Variants in BAK1 observed in about 807,000 individuals in gnomAD.
The protein encoded by BAK1 is BCL2 antagonist/killer 1, also known as bcl-2 homologous antagonist/killer.
Under a neutral mutation model 24.7 loss-of-function variants are expected in BAK1, and 19 were observed. The ratio of observed to expected loss-of-function variants is 0.77; its 90% CI spans 0.54 to 1.13. The LOEUF is 1.13. Ranked by LOEUF, BAK1 falls within the 50% of genes most tolerant of loss-of-function variation. The probability of loss-of-function intolerance (pLI) is 0.00; values close to 1 mark genes in which losing one functional copy is unlikely to be tolerated. For missense variants in BAK1, 194 were observed against 279.4 expected (o/e 0.69, Z 2.18); for synonymous variants, 86 against 107.3 (o/e 0.80, Z 1.23).
Position 33,573,762 on chromosome 6 carries a change from G to C in BAK1, c.*41C>G. The C allele has an allele frequency of 1.3e-6, 2 of 1,537,536 alleles. No individual in the cohort carries two copies. The highest frequency in any genetic ancestry group is 1.8e-6 in the Non-Finnish European group (2 of 1,111,148). ...AGGCAAAGACTTCGCTTAAGTCCAG[G>C]CAGGGGTCTGAACCGGGACCCCAAA... On this transcript the variant is annotated 3_prime_UTR_variant, in exon 6 of 6. Coordinates refer to ENST00000374467, the MANE Select transcript of BAK1 (RefSeq NM_001188.4).
At position 33,572,733 on chromosome 6, in the gene BAK1, G is replaced by A. The variant is rs555242575; in HGVS notation, c.*1070C>T. The A allele has an allele frequency of 2.0e-5, 3 of 152,354 alleles. No individual in the cohort carries two copies. Among genetic ancestry groups the A allele is most frequent in the Admixed American group, 6.6e-5 (1 of 15,220 alleles). 9.4% of individuals were successfully genotyped at this position (152,354 alleles called of 1,614,324 possible). On this transcript the variant is annotated 3_prime_UTR_variant, in exon 6 of 6. Transcript: ENST00000374467. ...CCCCCACCCTGAGGAGACCTAGACA[G>A]GTGAGGAGCATGGAGGGTGGGGGAA...
At position 33,577,464 on chromosome 6, in the gene BAK1, G is replaced by A; in HGVS notation, c.70+71C>T. On this transcript the variant is annotated intron_variant, in intron 2 of 5. Transcript: ENST00000374467. The surrounding 1 kb of genome is among the most constrained non-coding windows in gnomAD (Gnocchi z 4.6). ...AACCGAGGCGAAGGAGCCTGCCTGA[G>A]TCCTGCTCCTTCCATCCTCACGACA... is the stretch of plus-strand genomic sequence containing the variant. 10 of 1,410,704 alleles carry A rather than the reference G, an allele frequency of 7.1e-6. No individual in the cohort carries two copies. Among genetic ancestry groups the A allele is most frequent in the Non-Finnish European group, 9.6e-6 (10 of 1,045,766 alleles). 87.4% of individuals were successfully genotyped at this position (1,410,704 alleles called of 1,614,324 possible). A position where few individuals can be genotyped will look rare whatever the true frequency, so the allele number is the denominator to read the frequency against.
chr6:33,577,694 AC>A lies in BAK1; in HGVS notation c.-31-60del. On this transcript the variant is annotated intron_variant, in intron 1 of 5. Transcript: ENST00000374467. The surrounding 1 kb of genome is among the most constrained non-coding windows in gnomAD (Gnocchi z 4.6). ...GGTGAGCACAGACCTGTGACTGGGG[AC>A]CCCATACAGGTTGCCATGTCCACAT... The A allele has an allele frequency of 8.1e-7, 1 of 1,227,152 alleles. No individual in the cohort carries two copies. The highest frequency in any genetic ancestry group is 1.1e-6 in the Non-Finnish European group (1 of 880,668). 76.0% of individuals were successfully genotyped at this position (1,227,152 alleles called of 1,614,324 possible). A position where few individuals can be genotyped will look rare whatever the true frequency, so the allele number is the denominator to read the frequency against.
In BAK1 at chr6:33,575,075, G is replaced by A; in HGVS notation, c.350+223C>T. On this transcript the variant is annotated intron_variant, in intron 4 of 5. Transcript: ENST00000374467. The surrounding 1 kb of genome is among the most constrained non-coding windows in gnomAD (Gnocchi z 6.3). ...TCCTGATCTAACCAGTCAAGACCTT[G>A]GAGTCAGAGCTCAAAAGAGCTGTGA... is the stretch of plus-strand genomic sequence containing the variant. The A allele has an allele frequency of 1.5e-6, 1 of 654,950 alleles. No individual in the cohort carries two copies. Among genetic ancestry groups the A allele is most frequent in the Non-Finnish European group, 2.7e-6 (1 of 366,874 alleles). 40.6% of individuals were successfully genotyped at this position (654,950 alleles called of 1,614,324 possible). A position where few individuals can be genotyped will look rare whatever the true frequency, so the allele number is the denominator to read the frequency against.
Position 33,577,628 on chromosome 6 carries a change from G to C in BAK1, c.-24C>G. 1 of 1,541,842 alleles carries C rather than the reference G, an allele frequency of 6.5e-7. No individual in the cohort carries two copies. Among genetic ancestry groups the C allele is most frequent in the Non-Finnish European group, 8.8e-7 (1 of 1,139,994 alleles). On this transcript the variant is annotated 5_prime_UTR_variant, in exon 2 of 6. Transcript: ENST00000374467. The surrounding 1 kb of genome is among the most constrained non-coding windows in gnomAD (Gnocchi z 4.6). ...ATTTTTCAGGTCTCAGTGGAGGACG[G>C]GATCAGCCTGCGGGGAAGGGCGAGA...
Position 33,575,242 on chromosome 6 carries a change from A to G in BAK1, c.350+56T>C. On this transcript the variant is annotated intron_variant, in intron 4 of 5. Coordinates refer to ENST00000374467, the MANE Select transcript of BAK1 (RefSeq NM_001188.4). The surrounding 1 kb of genome is among the most constrained non-coding windows in gnomAD (Gnocchi z 6.3). ...GAGCATCATGCAGGCAGGGTATGGT[A>G]TGGTTGTGACATGACAGAGGAGTGA... The G allele has an allele frequency of 6.2e-7, 1 of 1,611,012 alleles. No individual in the cohort carries two copies. Among genetic ancestry groups the G allele is most frequent in the Non-Finnish European group, 8.5e-7 (1 of 1,177,278 alleles).
chr6:33,574,510 G>A (rs1407812267), intron 4 of BAK1: 16 of 1,440,244 alleles, frequency 1.1e-5, no homozygotes, highest in Non-Finnish European at 1.4e-5. Flanking sequence ...GATTACCTGT[G>A]GGTGTTGCTG....
chr6:33,577,412 A>C lies in BAK1; in HGVS notation c.70+123T>G. 1 of 935,798 alleles carries C rather than the reference A, an allele frequency of 1.1e-6. No homozygotes were observed. The highest frequency in any genetic ancestry group is 1.5e-6 in the Non-Finnish European group (1 of 650,022). 58.0% of individuals were successfully genotyped at this position (935,798 alleles called of 1,614,324 possible). On this transcript the variant is annotated intron_variant, in intron 2 of 5. Coordinates refer to ENST00000374467, the MANE Select transcript of BAK1 (RefSeq NM_001188.4). This position sits in a 1 kb window ranked among gnomAD's most constrained non-coding sequence, Gnocchi z 4.6. Reference sequence around the variant, plus strand: ...CCAGCCTCTGAGCCCGTGGGTGGGGAAGAGTATTCCCCACCCACAGTGGGT... The same window carrying C: ...CCAGCCTCTGAGCCCGTGGGTGGGGCAGAGTATTCCCCACCCACAGTGGGT...
Position 33,575,170 on chromosome 6 carries a change from C to T in BAK1, c.350+128G>A. 1 of 1,426,020 alleles carries T rather than the reference C, an allele frequency of 7.0e-7. No homozygotes were observed. The highest frequency in any genetic ancestry group is 9.8e-7 in the Non-Finnish European group (1 of 1,015,752). 88.3% of individuals were successfully genotyped at this position (1,426,020 alleles called of 1,614,324 possible). A position where few individuals can be genotyped will look rare whatever the true frequency, so the allele number is the denominator to read the frequency against. Reference sequence around the variant, plus strand: ...AGGGGGCCGAGACCACATGTGAGTTCACAGCAGACATTGGACACTGACAGA... The same window carrying T: ...AGGGGGCCGAGACCACATGTGAGTTTACAGCAGACATTGGACACTGACAGA... On this transcript the variant is annotated intron_variant, in intron 4 of 5. Coordinates refer to ENST00000374467, the MANE Select transcript of BAK1 (RefSeq NM_001188.4). This position sits in a 1 kb window ranked among gnomAD's most constrained non-coding sequence, Gnocchi z 6.3.
intron 1 of BAK1, among the ~76,000 whole-genome samples, chr6:33,579,465 A>T (rs1472792862): frequency 6.6e-6 from 1 of 151,936 alleles, no homozygotes; most frequent in Non-Finnish European, 1.5e-5. Context: ...GGGCTGGAGG[A>T]TGCTGACTGC....
rs535663497 is a variant in BAK1 at position 33,575,496 on chromosome 6, C to A, written c.207-55G>T. On this transcript the variant is annotated intron_variant, in intron 3 of 5. Transcript: ENST00000374467. The surrounding 1 kb of genome is among the most constrained non-coding windows in gnomAD (Gnocchi z 6.3). ...CAGTAACCAGGCAGTCGGGACCAGG[C>A]CCTGGCTCATGGCAGAGGGGTTCTG... 93 of 1,610,032 alleles carry A rather than the reference C, an allele frequency of 5.8e-5. No individual in the cohort carries two copies. The African/African-American group carries it at 1.2e-3, about 20-fold the overall frequency.
chr6:33,574,108 G>A lies in BAK1; in HGVS notation c.457C>T (p.Gln153Ter). Residue 153 changes from glutamine (Q) to a stop codon, truncating the protein, a stop_gained, in exon 5 of 6, where the codon CAG (glutamine) becomes TAG (stop). Transcript: ENST00000374467. LOFTEE classifies it high-confidence loss of function. The part of the protein sequence containing the change: ...YQHGLTGFLG[Q>*]VTRFVVDFML... Reference sequence around the variant, plus strand: ...AAGTCGACCACGAAGCGGGTCACCTGGCCTAGGAAGCCAGTCAGGCCATGC... The same window carrying A: ...AAGTCGACCACGAAGCGGGTCACCTAGCCTAGGAAGCCAGTCAGGCCATGC... 1 of 1,614,206 alleles carries A rather than the reference G, an allele frequency of 6.2e-7. No individual in the cohort carries two copies. The highest frequency in any genetic ancestry group is 8.5e-7 in the Non-Finnish European group (1 of 1,180,048).
rs763678915 is a variant in BAK1 at position 33,574,094 on chromosome 6, G to A, written c.471C>T (p.Phe157=). The A allele has an allele frequency of 3.2e-5, 51 of 1,614,084 alleles. No homozygotes were observed. Among genetic ancestry groups the A allele is most frequent in the Admixed American group, 1.7e-4 (10 of 60,002 alleles). ...LTGFLGQVTR[F]VVDFMLHHCI... ...AGTGATGCAGCATGAAGTCGACCAC[G>A]AAGCGGGTCACCTGGCCTAGGAAGC... Residue 157 remains phenylalanine (F), a synonymous_variant, in exon 5 of 6, where the codon TTC becomes TTT. Transcript: ENST00000374467.
intron 4 of BAK1, chr6:33,574,639 TG>T: frequency 1.1e-6 from 1 of 877,708 alleles, no homozygotes; most frequent in Non-Finnish European, 1.6e-6. Flanking sequence ...ATTTCAGCTC[TG>T]AGCACTAATT....
rs1029775599 is a variant in BAK1, at chr6:33,573,574, G to A, written c.*229C>T. 6 of 577,728 alleles carry A rather than the reference G, an allele frequency of 1.0e-5. No individual in the cohort carries two copies. The highest frequency in any genetic ancestry group is 1.9e-5 in the Non-Finnish European group (6 of 322,190). 35.8% of individuals were successfully genotyped at this position (577,728 alleles called of 1,614,324 possible). A position where few individuals can be genotyped will look rare whatever the true frequency, so the allele number is the denominator to read the frequency against. ...GTCCCAGAGAGCTGAGGGAGGAGAC[G>A]GCCACAGCCCCTGGGCCCAGAGAGA... On this transcript the variant is annotated 3_prime_UTR_variant, in exon 6 of 6. Transcript: ENST00000374467.
chr6:33,576,369 G>A (rs1476375225), intron 2 of BAK1, among the ~76,000 whole-genome samples: 1 of 145,134 alleles, frequency 6.9e-6, no homozygotes, highest in Admixed American at 7.1e-5. Context: ...GGTGGCTCAT[G>A]CCTGTAATCC....
rs1017599999 is a variant in BAK1 at position 33,578,530 on chromosome 6, C to T, written c.-31-895G>A. On this transcript the variant is annotated intron_variant, in intron 1 of 5. Coordinates refer to ENST00000374467, the MANE Select transcript of BAK1 (RefSeq NM_001188.4). This position sits in a 1 kb window ranked among gnomAD's most constrained non-coding sequence, Gnocchi z 4.8. ...TTCTCAGGGCAACTTTCCCTATTTACCTCCTGTCTGTGCCTTCCCCACTGC... is the reference window on the plus strand; with the variant it reads ...TTCTCAGGGCAACTTTCCCTATTTATCTCCTGTCTGTGCCTTCCCCACTGC... 6.6e-6 allele frequency among the ~76,000 whole-genome samples: 1 copy of T among 152,184 alleles called. No individual in the cohort carries two copies. Among genetic ancestry groups the T allele is most frequent in the Non-Finnish European group, 1.5e-5 (1 of 68,036 alleles).
rs1762891108 is a variant in BAK1 at position 33,578,917 on chromosome 6, T to C, written c.-32+1108A>G. On this transcript the variant is annotated intron_variant, in intron 1 of 5. Transcript: ENST00000374467. The surrounding 1 kb of genome is among the most constrained non-coding windows in gnomAD (Gnocchi z 4.8). ...AGGGCCTGGGGACCTTCGCCCACCC[T>C]CCTTCCGCTAGGCCTGGGAGTGTTT... 6.6e-6 allele frequency among the ~76,000 whole-genome samples: 1 copy of C among 151,264 alleles called. No individual in the cohort carries two copies.
chr6:33,573,928 G>A, intron 5 of BAK1, 21 bp from the exon 6 acceptor site: 1 of 1,614,116 alleles, frequency 6.2e-7, no homozygotes, highest in Admixed American at 1.7e-5. Flanking sequence ...AAACAAGGTG[G>A]TCACAGAGAG....
Sources: allele counts gnomAD v4.1 joint callset (sites outside exome capture counted in the v4.1 genomes callset), GRCh38; gene constraint gnomAD v4.1.1; non-coding constraint Gnocchi (gnomAD v3.1); transcripts MANE v1.5; gene names NCBI Gene and HGNC (gene_info 2026-07-23, HGNC 2026-07-21).